The following CDC73 variants were observed in gnomAD, a reference collection of about 807,000 sequenced individuals.
CDC73 encodes the protein cell division cycle 73, also known as parafibromin.
Under a neutral mutation model 83.7 loss-of-function variants are expected in CDC73, and 21 were observed. That is an observed-to-expected ratio of 0.25 (90% CI 0.18 to 0.36). The LOEUF (loss-of-function observed/expected upper bound fraction) is 0.36. Ranked by LOEUF, CDC73 falls within the 10% of genes least tolerant of loss-of-function variation. The pLI is 1.00. For missense variants in CDC73, 342 were observed against 653.3 expected (o/e 0.52, Z 5.19); for synonymous variants, 224 against 212.9 (o/e 1.05, Z -0.45).
At chr1:193,133,545 TA>T (rs970759923) in intron 3 of CDC73, among the ~76,000 whole-genome samples, 2 of 152,106 alleles carry the variant, frequency 1.3e-5, no homozygotes, top group African/African-American at 4.8e-5. Context: ...GATACACTAA[TA>T]AAAAAACTTT....
chr1:193,130,290 T>C (rs574153523), intron 3 of CDC73, 47 bp downstream of exon 3: 55 of 1,102,196 alleles, frequency 5.0e-5, no homozygotes, highest in African/African-American at 4.9e-4. Context: ...ACATTGTTTC[T>C]TTTTTCCCCT....
At chr1:193,207,850 C>CA (rs1299849641) in intron 11 of CDC73, among the ~76,000 whole-genome samples, 1 of 152,186 alleles carries the variant, frequency 6.6e-6, no homozygotes, top group African/African-American at 2.4e-5. Context: ...AAAGTAAAGA[C>CA]AGGCATAAGA....
At chr1:193,163,654 A>G (rs1008106977) in intron 10 of CDC73, among the ~76,000 whole-genome samples, 1 of 152,166 alleles carries the variant, frequency 6.6e-6, no homozygotes, top group Admixed American at 6.5e-5. Context: ...ATAGGTACCA[A>G]TTTTGGGGCA....
chr1:193,233,726 TAAG>T (rs530682896), intron 14 of CDC73, among the ~76,000 whole-genome samples: 317 of 152,204 alleles, frequency 2.1e-3, no homozygotes, highest in African/African-American at 7.3e-3. Context: ...AATTTTCTGG[TAAG>T]AAAAAAATGA....
At chr1:193,133,192 C>G (rs144827538) in intron 3 of CDC73, among the ~76,000 whole-genome samples, 1 of 152,038 alleles carries the variant, frequency 6.6e-6, no homozygotes. Context: ...TGAGCCACCG[C>G]GCCTGGCAGT....
rs1431566505 is a variant in CDC73, at chr1:193,232,988, C to T, written c.1155-5C>T. 1 of 1,611,214 alleles carries T rather than the reference C, an allele frequency of 6.2e-7. No individual in the cohort carries two copies. The highest frequency in any genetic ancestry group is 2.2e-5 in the East Asian group (1 of 44,814). On this transcript the variant is annotated splice_polypyrimidine_tract_variant and splice_region_variant and intron_variant, in intron 13 of 16. Coordinates refer to ENST00000367435, the MANE Select transcript of CDC73 (RefSeq NM_024529.5). ...TGACTTTTTCTCATCTCTGTTTTTT[C>T]AAAGATTTGTCCCATCAGATGAAAA...
intron 10 of CDC73, among the ~76,000 whole-genome samples, chr1:193,178,529 T>C (rs1237252270): frequency 6.6e-6 from 1 of 151,804 alleles, no homozygotes; most frequent in Non-Finnish European, 1.5e-5. Flanking sequence ...TTTTTAAAAC[T>C]TTTGAAGCAT....
intron 8 of CDC73, among the ~76,000 whole-genome samples, chr1:193,149,972 G>C (rs574929413): frequency 6.6e-6 from 1 of 152,266 alleles, no homozygotes; most frequent in East Asian, 1.9e-4. Context: ...GCAGGGAAGA[G>C]TATTATGTCG....
rs1044364743 is a variant in CDC73, at chr1:193,129,537, C to G, written c.238-637C>G. Among the ~76,000 whole-genome samples the G allele has an allele frequency of 3.1e-5, 3 of 95,350 alleles. No individual in the cohort carries two copies. In the Admixed American group the frequency reaches 3.4e-4, roughly 11 times the overall value. 62.6% of individuals were successfully genotyped at this position (95,350 alleles called of 152,430 possible). Reference sequence around the variant, plus strand: ...ATTTATTTATTTAGAGACGGAATCTCTCTATGTTGCCCAGGCCGGAGTGCA... The same window carrying G: ...ATTTATTTATTTAGAGACGGAATCTGTCTATGTTGCCCAGGCCGGAGTGCA... On this transcript the variant is annotated intron_variant, in intron 2 of 16. Transcript: ENST00000367435.
intron 15 of CDC73, among the ~76,000 whole-genome samples, chr1:193,244,510 A>C (rs1245087203): frequency 1.3e-5 from 2 of 152,204 alleles, no homozygotes; most frequent in African/African-American, 4.8e-5. Flanking sequence ...TGAGCCCAGA[A>C]GTTTGAGGCC....
intron 8 of CDC73, among the ~76,000 whole-genome samples, chr1:193,150,081 G>A (rs546198617): frequency 1.3e-5 from 2 of 151,930 alleles, no homozygotes; most frequent in African/African-American, 4.8e-5. Context: ...AAACCAGCTT[G>A]AGCAGCATGG....
At chr1:193,211,320 A>C (rs1229829390) in intron 11 of CDC73, among the ~76,000 whole-genome samples, 2 of 152,240 alleles carry the variant, frequency 1.3e-5, no homozygotes, top group African/African-American at 4.8e-5. Context: ...GTACAAAGGC[A>C]AAAGTAGCAC....
chr1:193,244,683 C>G (rs184894835), intron 15 of CDC73, among the ~76,000 whole-genome samples: 111 of 152,274 alleles, frequency 7.3e-4, no homozygotes, highest in African/African-American at 2.6e-3. Context: ...GTTCCTTCTG[C>G]CTAAAATCTT....
intron 14 of CDC73, among the ~76,000 whole-genome samples, chr1:193,235,707 C>T (rs1193152355): frequency 6.6e-6 from 1 of 152,036 alleles, no homozygotes; most frequent in Non-Finnish European, 1.5e-5. Context: ...AAAACAATTG[C>T]AAAAATTATA....
In CDC73 at chr1:193,150,401, A is replaced by G; in HGVS notation, c.907+19A>G. ...AAAGAAGGCAAGTTGCTTAATTCTT[A>G]TCTTCCCCTTAGTGTGGTTGTGTTG... On this transcript the variant is annotated intron_variant, in intron 9 of 16. Transcript: ENST00000367435. The G allele has an allele frequency of 6.6e-7, 1 of 1,522,074 alleles. No individual in the cohort carries two copies. Among genetic ancestry groups the G allele is most frequent in the Non-Finnish European group, 9.1e-7 (1 of 1,095,946 alleles). 94.3% of individuals were successfully genotyped at this position (1,522,074 alleles called of 1,614,324 possible). A position where few individuals can be genotyped will look rare whatever the true frequency, so the allele number is the denominator to read the frequency against.
chr1:193,181,220 T>A (rs1275822064), intron 10 of CDC73: 3 of 1,614,052 alleles, frequency 1.9e-6, no homozygotes, highest in Non-Finnish European at 2.5e-6. Context: ...GCACTAAGTG[T>A]ATTCTCCAGG....
intron 10 of CDC73, among the ~76,000 whole-genome samples, chr1:193,187,073 A>G (rs1315904447): frequency 2.6e-5 from 3 of 116,216 alleles, no homozygotes; most frequent in African/African-American, 9.1e-5. Context: ...TATGGTTTCT[A>G]TTGAAACCAT....
chr1:193,137,603 C>T (rs1166566236), intron 5 of CDC73, among the ~76,000 whole-genome samples: 6 of 152,104 alleles, frequency 3.9e-5, no homozygotes, highest in African/African-American at 9.7e-5. Context: ...AAGCTTCTAA[C>T]GTTCTAATGA....
chr1:193,136,010 A>C (rs556785434), intron 5 of CDC73, among the ~76,000 whole-genome samples: 2 of 152,010 alleles, frequency 1.3e-5, no homozygotes, highest in African/African-American at 4.8e-5. Context: ...TTGGGACTGC[A>C]GGTGCCTGCC....
Sources: gnomAD v4.1 joint callset for allele counts (sites outside exome capture counted in the v4.1 genomes callset) on GRCh38, gnomAD v4.1.1 for gene constraint, MANE v1.5 for transcripts, NCBI Gene and HGNC (gene_info 2026-07-23, HGNC 2026-07-21) for gene names.